YTHDF1: variants seen among roughly 807,000 people sequenced by gnomAD.
The protein encoded by YTHDF1 is YTH N6-methyladenosine RNA binding protein F1.
YTHDF1 carries 16 observed loss-of-function variants against 49.1 expected under a neutral mutation model. The observed-to-expected ratio is 0.33, with a 90% confidence interval of 0.22 to 0.49. The LOEUF (loss-of-function observed/expected upper bound fraction) is 0.49. Ranked by LOEUF, YTHDF1 falls within the 20% of genes least tolerant of loss-of-function variation. The pLI, the probability that YTHDF1 is intolerant of heterozygous loss-of-function variation, is 0.99. For missense variants in YTHDF1, 621 were observed against 744.3 expected (o/e 0.83, Z 1.93); for synonymous variants, 313 against 290.1 (o/e 1.08, Z -0.80).
In YTHDF1 at chr20:63,203,752, G is replaced by T. The variant is rs763295866; in HGVS notation, c.188C>A (p.Ser63Tyr). The change falls in exon 4 of 5, where the codon TCC becomes TAC. Residue 63 changes from serine (S) to tyrosine (Y), a missense_variant. By Grantham distance (144) the Ser-to-Tyr change is moderately radical. This residue lies in a region of YTHDF1 where 470 missense variants were observed against 495.8 expected (regional missense o/e 0.95). Coordinates refer to ENST00000370339, the MANE Select transcript of YTHDF1 (RefSeq NM_017798.4). The surrounding 1 kb of genome is among the most constrained non-coding windows in gnomAD (Gnocchi z 4.4). ...DPYLSSYYPP[S>Y]IGFPYSLNEA... ...ATTGAGGGAGTAAGGAAATCCAATG[G>T]ACGGCGGGTAATAGCTGGACAGGTA... 6.2e-7 allele frequency: 1 copy of T among 1,613,914 alleles called. No individual in the cohort carries two copies. Among genetic ancestry groups the T allele is most frequent in the African/African-American group, 1.3e-5 (1 of 74,890 alleles).
chr20:63,215,949 G>A lies in YTHDF1; in HGVS notation c.-57C>T. ...CGCCCGCCGGCTCGGGCCTCCCCTA[G>A]AGGCCGGGCCTGTCACCCTAGCTCG... is the stretch of plus-strand genomic sequence containing the variant. On this transcript the variant is annotated 5_prime_UTR_variant, in exon 1 of 5. Transcript: ENST00000370339. The A allele has an allele frequency of 7.8e-7, 1 of 1,284,302 alleles. No homozygotes were observed. Among genetic ancestry groups the A allele is most frequent in the Non-Finnish European group, 9.9e-7 (1 of 1,011,316 alleles). 79.6% of individuals were successfully genotyped at this position (1,284,302 alleles called of 1,614,324 possible).
At chr20:63,196,808 G>C in intron 4 of YTHDF1, 74 bp from the exon 5 acceptor site, 1 of 1,589,662 alleles carries the variant, frequency 6.3e-7, no homozygotes, top group Non-Finnish European at 8.6e-7. Flanking sequence ...TGAGATCCGA[G>C]GCTGCCCCTT....
At chr20:63,197,551 C>T (rs536325516) in intron 4 of YTHDF1, among the ~76,000 whole-genome samples, 32 of 152,136 alleles carry the variant, frequency 2.1e-4, no homozygotes, top group African/African-American at 6.0e-4. Context: ...TGAAAATGTG[C>T]GATCTAAGGA....
chr20:63,196,660 A>G lies in YTHDF1; in HGVS notation c.*48T>C. ...AGCTGACCAAGCACACGTGTTTTAA[A>G]CTGTTTTCAAAGTCAAACGTTAGAA... is the stretch of plus-strand genomic sequence containing the variant. On this transcript the variant is annotated 3_prime_UTR_variant, in exon 5 of 5. Transcript: ENST00000370339. 2 of 1,612,150 alleles carry G rather than the reference A, an allele frequency of 1.2e-6. No homozygotes were observed. Among genetic ancestry groups the G allele is most frequent in the Non-Finnish European group, 1.7e-6 (2 of 1,178,644 alleles).
rs1442758382 is a variant in YTHDF1, at chr20:63,203,650, T to C, written c.290A>G (p.His97Arg). The C allele has an allele frequency of 6.2e-7, 1 of 1,614,162 alleles. No homozygotes were observed. Among genetic ancestry groups the C allele is most frequent in the Non-Finnish European group, 8.5e-7 (1 of 1,180,026 alleles). ...TTYGQLSNGD[H>R]HFMHDAVFGQ... is the part of the protein sequence containing the mutation. ...AAAAACAGCATCGTGCATAAAATGA[T>C]GGTCTCCGTTACTGAGCTGTCCGTA... The change falls in exon 4 of 5, where the codon CAT becomes CGT. Residue 97 changes from histidine (H) to arginine (R), a missense_variant. This residue lies in a region of YTHDF1 where 470 missense variants were observed against 495.8 expected (regional missense o/e 0.95). Transcript: ENST00000370339. The surrounding 1 kb of genome is among the most constrained non-coding windows in gnomAD (Gnocchi z 4.4).
intron 4 of YTHDF1, 109 bp downstream of exon 4, chr20:63,202,178 A>G (rs2066520359): frequency 7.0e-7 from 1 of 1,429,982 alleles, no homozygotes; most frequent in Non-Finnish European, 9.4e-7. Context: ...GCCTGTCACG[A>G]GACTCAGCTC....
chr20:63,206,798 A>C (rs190899160), intron 3 of YTHDF1, among the ~76,000 whole-genome samples: 1 of 152,294 alleles, frequency 6.6e-6, no homozygotes, highest in Admixed American at 6.5e-5. Context: ...AAGCAGGTTA[A>C]TTTGTAAAGC....
chr20:63,212,065 A>G (rs2066577224), intron 3 of YTHDF1, among the ~76,000 whole-genome samples: 1 of 152,158 alleles, frequency 6.6e-6, no homozygotes, highest in Non-Finnish European at 1.5e-5. Flanking sequence ...TTCAGTACAT[A>G]ATACCATTAA....
At chr20:63,204,554 GA>G (rs560950188) in intron 3 of YTHDF1, among the ~76,000 whole-genome samples, 272 of 152,360 alleles carry the variant, frequency 1.8e-3, no homozygotes, top group African/African-American at 6.3e-3. Flanking sequence ...CCTCAGCCAA[GA>G]GAAAGCATCC....
chr20:63,209,395 C>T (rs2066563242), intron 3 of YTHDF1, among the ~76,000 whole-genome samples: 1 of 152,180 alleles, frequency 6.6e-6, no homozygotes. Context: ...TATAGCTGTA[C>T]AAAAATTTTT....
intron 4 of YTHDF1, among the ~76,000 whole-genome samples, chr20:63,198,314 C>T (rs992124306): frequency 2.6e-5 from 4 of 151,636 alleles, no homozygotes; most frequent in South Asian, 2.1e-4. Flanking sequence ...GCATGGTGAC[C>T]GGCGCCTGTA....
chr20:63,205,337 T>C (rs957182194), intron 3 of YTHDF1, among the ~76,000 whole-genome samples: 2 of 152,230 alleles, frequency 1.3e-5, no homozygotes, highest in Non-Finnish European at 2.9e-5. Context: ...CAGCTCTCCC[T>C]GGGGGCAGTG....
intron 4 of YTHDF1, among the ~76,000 whole-genome samples, chr20:63,201,548 GCA>G (rs1371541871): frequency 6.6e-6 from 1 of 152,216 alleles, no homozygotes; most frequent in Non-Finnish European, 1.5e-5. Flanking sequence ...TCACATGACA[GCA>G]CAGACTCAGG....
chr20:63,206,963 TG>T (rs2066549559), intron 3 of YTHDF1, among the ~76,000 whole-genome samples: 1 of 152,200 alleles, frequency 6.6e-6, no homozygotes, highest in Non-Finnish European at 1.5e-5. Context: ...GGGAGACAAC[TG>T]GAAACGCACA....
At chr20:63,210,267 A>G (rs1035926022) in intron 3 of YTHDF1, among the ~76,000 whole-genome samples, 1 of 152,288 alleles carries the variant, frequency 6.6e-6, no homozygotes, top group South Asian at 2.1e-4. Flanking sequence ...TGGCCTTGGT[A>G]ATTTCTGTCA....
In YTHDF1 at chr20:63,203,888, A is replaced by G; in HGVS notation, c.133-81T>C. ...TGCCAACCGCCTCTTGCTTAAGCAC[A>G]GGTGGAGCAAAAACAAAACCTGCAC... On this transcript the variant is annotated intron_variant, in intron 3 of 4. Transcript: ENST00000370339. The surrounding 1 kb of genome is among the most constrained non-coding windows in gnomAD (Gnocchi z 4.4). The G allele has an allele frequency of 7.2e-7, 1 of 1,390,552 alleles. No individual in the cohort carries two copies. The highest frequency in any genetic ancestry group is 1.5e-5 in the South Asian group (1 of 68,782). The allele number at this position is 1,390,552 out of a possible 1,614,324, so 86.1% of individuals were successfully genotyped here. A position where few individuals can be genotyped will look rare whatever the true frequency, so the allele number is the denominator to read the frequency against.
At chr20:63,214,523 G>C (rs1568995788) in intron 2 of YTHDF1, among the ~76,000 whole-genome samples, 1 of 152,162 alleles carries the variant, frequency 6.6e-6, no homozygotes, top group Non-Finnish European at 1.5e-5. Flanking sequence ...GGTAGTCGGG[G>C]GACAGCTTAG....
chr20:63,196,813 C>A (rs2066494706), intron 4 of YTHDF1, 79 bp from the exon 5 acceptor site: 13 of 1,568,910 alleles, frequency 8.3e-6, no homozygotes, highest in Middle Eastern at 1.8e-4. Context: ...TCCGAGGCTG[C>A]CCCTTAGCAG....
intron 3 of YTHDF1, among the ~76,000 whole-genome samples, chr20:63,204,893 GTGTC>G (rs1345214051): frequency 6.6e-6 from 1 of 152,052 alleles, no homozygotes; most frequent in African/African-American, 2.4e-5. Flanking sequence ...CGTGTGAGGT[GTGTC>G]TGTATGTGTG....
Sources: gnomAD v4.1 joint callset for allele counts (sites outside exome capture counted in the v4.1 genomes callset) on GRCh38, gnomAD v4.1.1 for gene constraint, gnomAD v4.1.1 regional missense constraint, Gnocchi (gnomAD v3.1) non-coding constraint, MANE v1.5 for transcripts, NCBI Gene and HGNC (gene_info 2026-07-23, HGNC 2026-07-21) for gene names.